The following LRRN3 variants were observed in gnomAD, a reference collection of about 807,000 sequenced individuals.
LRRN3 encodes leucine rich repeat neuronal 3.
In LRRN3, 15 loss-of-function variants were observed where a neutral mutation model predicts 40.1. That is an observed-to-expected ratio of 0.37 (90% CI 0.25 to 0.58). LRRN3 has a LOEUF of 0.58. Ranked by LOEUF, LRRN3 falls within the 20% of genes least tolerant of loss-of-function variation. LRRN3 has a pLI of 0.72. For missense variants in LRRN3, 746 were observed against 837.7 expected (o/e 0.89, Z 1.35); for synonymous variants, 308 against 297.2 (o/e 1.04, Z -0.37).
At chr7:111,092,003 A>G (rs1486058865) in intron 1 of LRRN3, among the ~76,000 whole-genome samples, 4 of 152,188 alleles carry the variant, frequency 2.6e-5, no homozygotes, top group South Asian at 2.1e-4. Context: ...CAAATGGGGC[A>G]TTTTTATTTT....
At chr7:111,108,818 G>A (rs1384195096) in intron 2 of LRRN3, among the ~76,000 whole-genome samples, 1 of 151,976 alleles carries the variant, frequency 6.6e-6, no homozygotes, top group Non-Finnish European at 1.5e-5. Flanking sequence ...ACCTCGTACA[G>A]CAAATTTTTT....
In LRRN3 at chr7:111,124,525, C is replaced by T; in HGVS notation, c.1753C>T (p.Pro585Ser). 6.2e-7 allele frequency: 1 copy of T among 1,613,030 alleles called. No homozygotes were observed. Among genetic ancestry groups the T allele is most frequent in the East Asian group, 2.2e-5 (1 of 44,816 alleles). Residue 585 changes from proline to serine, a missense_variant, in exon 3 of 3, where the codon CCA becomes TCA. Coordinates refer to ENST00000308478, the MANE Select transcript of LRRN3 (RefSeq NM_001099658.2). ...VKVYNLTHLN[P>S]STEYKICIDI... ...GGTATATAATCTTACTCATCTGAAT[C>T]CATCAACTGAGTATAAAATTTGTAT...
intron 1 of LRRN3, among the ~76,000 whole-genome samples, chr7:111,098,080 T>C (rs906560251): frequency 9.9e-5 from 15 of 151,740 alleles, no homozygotes; most frequent in African/African-American, 3.4e-4. Flanking sequence ...ATAAACATAC[T>C]CTAAGAACAT....
intron 2 of LRRN3, among the ~76,000 whole-genome samples, chr7:111,109,674 C>A (rs1798963159): frequency 6.6e-6 from 1 of 152,188 alleles, no homozygotes; most frequent in Non-Finnish European, 1.5e-5. Context: ...GTGGGTATAA[C>A]TGCACATGCT....
chr7:111,124,365 T>C lies in LRRN3; in HGVS notation c.1593T>C (p.Asp531=), dbSNP rs750201404. Residue 531 remains aspartate (D), a synonymous_variant, in exon 3 of 3, where the codon GAT becomes GAC. Coordinates refer to ENST00000308478, the MANE Select transcript of LRRN3 (RefSeq NM_001099658.2). Reference sequence around the variant, plus strand: ...GCTCTTTGAATATTAAAATAAGAGATATTCAGGCCAATTCAGTTTTGGTGT... The same window carrying C: ...GCTCTTTGAATATTAAAATAAGAGACATTCAGGCCAATTCAGTTTTGGTGT... ...NNGSLNIKIR[D]IQANSVLVSW... is the part of the protein sequence containing the mutation. The C allele has an allele frequency of 5.6e-6, 9 of 1,613,714 alleles. No individual in the cohort carries two copies. The East Asian group carries it at 1.1e-4, about 20-fold the overall frequency.
At chr7:111,118,362 T>C (rs1260561390) in intron 2 of LRRN3, among the ~76,000 whole-genome samples, 2 of 152,132 alleles carry the variant, frequency 1.3e-5, no homozygotes, top group Non-Finnish European at 2.9e-5. Flanking sequence ...TAAAAGCTTC[T>C]ACATATAATT....
At chr7:111,108,519 T>C (rs540942007) in intron 2 of LRRN3, among the ~76,000 whole-genome samples, 15 of 152,230 alleles carry the variant, frequency 9.9e-5, no homozygotes, top group Middle Eastern at 3.4e-3. Flanking sequence ...GTAAAAAAGA[T>C]ATACGAACAA....
At chr7:111,119,533 A>T (rs1586401283) in intron 2 of LRRN3, among the ~76,000 whole-genome samples, 1 of 152,344 alleles carries the variant, frequency 6.6e-6, no homozygotes, top group East Asian at 1.9e-4. Context: ...ATTCCTTTGT[A>T]TTAGCCTGAA....
At chr7:111,105,674 A>G (rs1354013109) in intron 2 of LRRN3, among the ~76,000 whole-genome samples, 2 of 151,760 alleles carry the variant, frequency 1.3e-5, no homozygotes, top group African/African-American at 4.8e-5. Context: ...TGACAGGTCT[A>G]TTTTCCCATA....
intron 2 of LRRN3, among the ~76,000 whole-genome samples, chr7:111,115,851 A>AT (rs1799820420): frequency 6.6e-6 from 1 of 151,622 alleles, no homozygotes. Flanking sequence ...TAATTTTTGT[A>AT]TTTTTACTAG....
At chr7:111,110,297 T>G (rs547117228) in intron 2 of LRRN3, among the ~76,000 whole-genome samples, 1 of 152,312 alleles carries the variant, frequency 6.6e-6, no homozygotes, top group East Asian at 1.9e-4. Context: ...TAGGAATCAG[T>G]CATTAAAGAA....
chr7:111,120,738 T>A (rs991823407), intron 2 of LRRN3, among the ~76,000 whole-genome samples: 1 of 152,160 alleles, frequency 6.6e-6, no homozygotes, highest in Non-Finnish European at 1.5e-5. Context: ...AGTCACTTTA[T>A]GCAAAGGAGA....
chr7:111,114,483 A>C (rs977097207), intron 2 of LRRN3, among the ~76,000 whole-genome samples: 9 of 152,178 alleles, frequency 5.9e-5, no homozygotes, highest in Admixed American at 1.3e-4. Context: ...CACACCTGTA[A>C]TCCCAGCACT....
At position 111,124,731 on chromosome 7, in the gene LRRN3, G is replaced by C; in HGVS notation, c.1959G>C (p.Met653Ile). 6.2e-7 allele frequency: 1 copy of C among 1,613,900 alleles called. No homozygotes were observed. Among genetic ancestry groups the C allele is most frequent in the South Asian group, 1.1e-5 (1 of 91,054 alleles). Reference protein sequence around the residue: ...ICLISCLSPEMNCDGGHSYVR... With the variant: ...ICLISCLSPEINCDGGHSYVR... Reference sequence around the variant, plus strand: ...TTATCAGCTGCCTCTCTCCAGAAATGAACTGTGATGGTGGACACAGCTATG... The same window carrying C: ...TTATCAGCTGCCTCTCTCCAGAAATCAACTGTGATGGTGGACACAGCTATG... Residue 653 changes from methionine to isoleucine, a missense_variant, in exon 3 of 3, where the codon ATG becomes ATC. Met to Ile is a conservative substitution (Grantham distance 10). Transcript: ENST00000308478.
intron 2 of LRRN3, among the ~76,000 whole-genome samples, chr7:111,108,078 G>A (rs551683581): frequency 1.3e-5 from 2 of 152,108 alleles, no homozygotes; most frequent in South Asian, 4.1e-4. Flanking sequence ...TTCTCCTAAA[G>A]TACAGTGTCT....
chr7:111,104,994 G>A lies in LRRN3; in HGVS notation c.-359+5032G>A, dbSNP rs886562108. ...GTTACAAGTGATTTGAGTCTAAAATGTGAATCTACTTGCCAGAATGCAAAG... is the reference window on the plus strand; with the variant it reads ...GTTACAAGTGATTTGAGTCTAAAATATGAATCTACTTGCCAGAATGCAAAG... On this transcript the variant is annotated intron_variant, in intron 2 of 2. Transcript: ENST00000308478. Among the ~76,000 whole-genome samples, 7 of 151,790 alleles carry A rather than the reference G, an allele frequency of 4.6e-5. 1 individual carries two copies. The highest frequency in any genetic ancestry group is 4.1e-4 in the South Asian group (2 of 4,826).
Position 111,123,160 on chromosome 7 carries a change from GA to G in LRRN3, c.390del (p.Glu130AspfsTer10). 1.2e-6 allele frequency: 2 copies of G among 1,613,914 alleles called. No homozygotes were observed. The highest frequency in any genetic ancestry group is 1.7e-6 in the Non-Finnish European group (2 of 1,179,966). ...GTACCTAGAGGAAAACAAACTTACT[GA>G]ACTGCCTGAAAAATGTCTGTCCGAA... ...SVYLEENKLT[E>X]LPEKCLSELS... On this transcript the variant is annotated frameshift_variant, in exon 3 of 3. Coordinates refer to ENST00000308478, the MANE Select transcript of LRRN3 (RefSeq NM_001099658.2). LOFTEE classifies it high-confidence loss of function. This position sits in a 1 kb window ranked among gnomAD's most constrained non-coding sequence, Gnocchi z 6.4.
chr7:111,110,248 G>A (rs1184358919), intron 2 of LRRN3, among the ~76,000 whole-genome samples: 2 of 152,112 alleles, frequency 1.3e-5, no homozygotes, highest in Non-Finnish European at 1.5e-5. Flanking sequence ...TAGGGAAAAT[G>A]ATATTCTTTT....
chr7:111,118,670 CTATTAT>C (rs1346592053), intron 2 of LRRN3, among the ~76,000 whole-genome samples: 12 of 151,934 alleles, frequency 7.9e-5, no homozygotes, highest in African/African-American at 2.9e-4. Flanking sequence ...TAAGAAGATA[CTATTAT>C]TACTTACTTA....
Sources: allele counts gnomAD v4.1 joint callset (sites outside exome capture counted in the v4.1 genomes callset), GRCh38; gene constraint gnomAD v4.1.1; non-coding constraint Gnocchi (gnomAD v3.1); transcripts MANE v1.5; gene names NCBI Gene and HGNC (gene_info 2026-07-23, HGNC 2026-07-21).